TARS3: variants seen among roughly 807,000 people sequenced by gnomAD.
TARS3 encodes the protein threonyl-tRNA synthetase 3.
A neutral mutation model predicts 103.5 loss-of-function variants in TARS3; 94 were observed. The ratio of observed to expected loss-of-function variants is 0.91; its 90% CI spans 0.77 to 1.08. The LOEUF (loss-of-function observed/expected upper bound fraction) is 1.08, where lower values mean the gene tolerates loss of function less well. Ranked by LOEUF, TARS3 falls within the 50% of genes least tolerant of loss-of-function variation. TARS3 has a pLI of 0.00. For synonymous variants in TARS3, 416 were observed against 355.4 expected (o/e 1.17, Z -1.92); for missense variants, 952 against 995.2 (o/e 0.96, Z 0.58).
chr15:101,721,999 T>C (rs1404905041), intron 2 of TARS3, among the ~76,000 whole-genome samples: 3 of 152,246 alleles, frequency 2.0e-5, no homozygotes, highest in African/African-American at 7.2e-5. Flanking sequence ...GCACTTTTAA[T>C]GTAGGCTAGG....
chr15:101,711,815 T>C (rs2141445814), intron 5 of TARS3, 65 bp downstream of exon 5: 2 of 1,571,644 alleles, frequency 1.3e-6, no homozygotes, highest in East Asian at 4.5e-5. Context: ...TAGGCTAGTA[T>C]GTAACCATTA....
intron 16 of TARS3, among the ~76,000 whole-genome samples, chr15:101,660,826 A>G (rs1387272865): frequency 6.6e-6 from 1 of 152,218 alleles, no homozygotes. Context: ...AGCAACAACT[A>G]GGGGAAAAAG....
intron 3 of TARS3, 125 bp from the exon 4 acceptor site, chr15:101,715,088 A>G (rs1900075758): frequency 2.5e-6 from 2 of 797,434 alleles, no homozygotes; most frequent in Non-Finnish European, 3.6e-6. Flanking sequence ...ATAAACTAAT[A>G]GGACAGATAT....
intron 10 of TARS3, among the ~76,000 whole-genome samples, chr15:101,687,095 T>C (rs1201488713): frequency 1.3e-5 from 2 of 152,040 alleles, no homozygotes; most frequent in African/African-American, 4.8e-5. Flanking sequence ...TATCCTTTGT[T>C]TTTACTAAAT....
chr15:101,683,944 G>GT, intron 12 of TARS3, 131 bp downstream of exon 12: 1 of 775,394 alleles, frequency 1.3e-6, no homozygotes, highest in Non-Finnish European at 1.9e-6. Flanking sequence ...ATCACAGCAG[G>GT]TTAGAGCTGA....
Position 101,684,212 on chromosome 15 carries a change from A to T in TARS3, c.1513T>A (p.Ser505Thr). ...HCLMFAHRPR[S>T]WREMPIRFAD... ...AATCTAATAGGCATTTCCCTCCAAG[A>T]TCGTGGACGATGGGCAAACATTAGA... The change falls in exon 12 of 19, where the codon TCT becomes ACT. Residue 505 changes from serine (S) to threonine (T), a missense_variant. Coordinates refer to ENST00000335968, the MANE Select transcript of TARS3 (RefSeq NM_152334.3). The T allele has an allele frequency of 1.9e-6, 3 of 1,613,966 alleles. No homozygotes were observed. The highest frequency in any genetic ancestry group is 1.7e-6 in the Non-Finnish European group (2 of 1,179,884).
intron 12 of TARS3, among the ~76,000 whole-genome samples, chr15:101,681,276 A>AT (rs1188206031): frequency 6.6e-6 from 1 of 152,128 alleles, no homozygotes. Context: ...TTCTATACGA[A>AT]TTTTAGAATC....
At chr15:101,715,388 C>T (rs1041688080) in intron 3 of TARS3, among the ~76,000 whole-genome samples, 5 of 151,928 alleles carry the variant, frequency 3.3e-5, no homozygotes, top group Non-Finnish European at 7.4e-5. Context: ...CCTCGTGATC[C>T]GCCCGCCTCG....
chr15:101,683,578 C>T (rs1898342393), intron 12 of TARS3, among the ~76,000 whole-genome samples: 2 of 152,156 alleles, frequency 1.3e-5, no homozygotes, highest in African/African-American at 4.8e-5. Context: ...GTACCTCCCT[C>T]ACACCTCGGT....
chr15:101,656,983 G>C lies in TARS3; in HGVS notation c.2199C>G (p.His733Gln). The change falls in exon 18 of 19, where the codon CAC (histidine) becomes CAG (glutamine). Residue 733 changes from histidine (H) to glutamine (Q), a missense_variant. His to Gln is a conservative substitution (Grantham distance 24, BLOSUM62 0). Coordinates refer to ENST00000335968, the MANE Select transcript of TARS3 (RefSeq NM_152334.3). Reference sequence around the variant, plus strand: ...GTATTTTCTTATTTAGTGTACAACTGTGATCCAAGTCAACGTCAGCCATAA... The same window carrying C: ...GTATTTTCTTATTTAGTGTACAACTCTGATCCAAGTCAACGTCAGCCATAA... ...EGFMADVDLDHSCTLNKKIRN... is the reference protein window; with the variant it reads ...EGFMADVDLDQSCTLNKKIRN... The C allele has an allele frequency of 6.2e-7, 1 of 1,613,938 alleles. No homozygotes were observed. The highest frequency in any genetic ancestry group is 8.5e-7 in the Non-Finnish European group (1 of 1,179,880).
chr15:101,657,153 A>T (rs1264795749), intron 17 of TARS3, 117 bp from the exon 18 acceptor site: 1 of 638,640 alleles, frequency 1.6e-6, no homozygotes, highest in Non-Finnish European at 2.7e-6. Flanking sequence ...TCACTATACC[A>T]GAGCGGGTCT....
intron 18 of TARS3, among the ~76,000 whole-genome samples, chr15:101,656,618 A>C (rs926725602): frequency 1.2e-4 from 19 of 152,232 alleles, no homozygotes; most frequent in Admixed American, 2.6e-4. Context: ...TGAAATATAA[A>C]GTATATAATT....
chr15:101,654,452 C>A lies in TARS3; in HGVS notation c.*130G>T. On this transcript the variant is annotated 3_prime_UTR_variant, in exon 19 of 19. Coordinates refer to ENST00000335968, the MANE Select transcript of TARS3 (RefSeq NM_152334.3). Reference sequence around the variant, plus strand: ...CATGTCAGCTACACGTTCATCGTCTCCTTTCTCAGCTGAGGCCATGAGTGG... The same window carrying A: ...CATGTCAGCTACACGTTCATCGTCTACTTTCTCAGCTGAGGCCATGAGTGG... 1.1e-6 allele frequency: 1 copy of A among 941,020 alleles called. No individual in the cohort carries two copies. The highest frequency in any genetic ancestry group is 3.1e-5 in the Admixed American group (1 of 32,462). The allele number at this position is 941,020 out of a possible 1,614,324, so 58.3% of individuals were successfully genotyped here.
chr15:101,707,157 G>C (rs899338210), intron 6 of TARS3, among the ~76,000 whole-genome samples: 2 of 152,092 alleles, frequency 1.3e-5, no homozygotes. Context: ...ACAACCATTA[G>C]GATGTCCATG....
intron 18 of TARS3, chr15:101,655,889 C>T (rs961608322): frequency 1.6e-6 from 2 of 1,288,338 alleles, no homozygotes; most frequent in East Asian, 5.5e-5. Flanking sequence ...GGAGTGGACA[C>T]CAGACCCATG....
In TARS3 at chr15:101,702,257, A is replaced by C; in HGVS notation, c.1203T>G (p.Asp401Glu). Residue 401 changes from aspartate (D) to glutamate (E), a missense_variant, in exon 9 of 19, where the codon GAT becomes GAG. Transcript: ENST00000335968. The stretch of plus-strand genomic sequence containing the variant: ...GGCATACCTTCCCGATCTTCCTGTG[A>C]TCTCGGTTCTTTGCTTCCTCTTGGA... ...EKFQEEAKNR[D>E]HRKIGKEQEL... is the part of the protein sequence containing the mutation. The C allele has an allele frequency of 6.2e-7, 1 of 1,614,110 alleles. No homozygotes were observed.
intron 4 of TARS3, among the ~76,000 whole-genome samples, chr15:101,713,245 G>C (rs1899952604): frequency 1.3e-5 from 2 of 152,152 alleles, no homozygotes; most frequent in South Asian, 2.1e-4. Flanking sequence ...GCATTCATGG[G>C]GACTCGGGAA....
rs79760666 is a variant in TARS3, at chr15:101,714,090, G to C, written c.690+750C>G. Among the ~76,000 whole-genome samples, 693 of 152,246 alleles carry C rather than the reference G, an allele frequency of 4.6e-3. 39 individuals are homozygous for C. In the East Asian group the frequency reaches 0.12, roughly 27 times the overall value. On this transcript the variant is annotated intron_variant, in intron 4 of 18. Coordinates refer to ENST00000335968, the MANE Select transcript of TARS3 (RefSeq NM_152334.3). The stretch of plus-strand genomic sequence containing the variant: ...AACGTTCAGGCGACAACGTATATCA[G>C]AAATCATATATCACATGCATATGTG...
At chr15:101,684,300 A>G in intron 11 of TARS3, 63 bp from the exon 12 acceptor site, 1 of 1,401,332 alleles carries the variant, frequency 7.1e-7, no homozygotes, top group Non-Finnish European at 9.5e-7. Flanking sequence ...AATTATCTAA[A>G]TATAAAGAAA....
Sources: allele counts gnomAD v4.1 joint callset (sites outside exome capture counted in the v4.1 genomes callset), GRCh38; gene constraint gnomAD v4.1.1; transcripts MANE v1.5; gene names NCBI Gene and HGNC (gene_info 2026-07-23, HGNC 2026-07-21).